Variants in KCNT2 observed in about 807,000 individuals in gnomAD.
The protein encoded by KCNT2 is potassium sodium-activated channel subfamily T member 2, also known as potassium channel subfamily T member 2.
Under a neutral mutation model 153.8 loss-of-function variants are expected in KCNT2, and 67 were observed. The observed-to-expected ratio is 0.44, with a 90% CI of 0.36 to 0.53. The LOEUF is 0.53. Among genes scored for constraint, KCNT2 ranks in the 20% least tolerant of loss-of-function variants. The pLI is 0.00. For missense variants in KCNT2, 975 were observed against 1,354.8 expected (o/e 0.72, Z 4.40); for synonymous variants, 500 against 458.8 (o/e 1.09, Z -1.15).
At chr1:196,264,574 A>T (rs1657347747) in intron 25 of KCNT2, among the ~76,000 whole-genome samples, 1 of 152,064 alleles carries the variant, frequency 6.6e-6, no homozygotes, top group Admixed American at 6.5e-5. Flanking sequence ...GGTAAGTCCC[A>T]GTCTATATGT....
intron 12 of KCNT2, among the ~76,000 whole-genome samples, chr1:196,413,989 A>G (rs547023199): frequency 1.3e-5 from 2 of 151,814 alleles, no homozygotes; most frequent in South Asian, 2.1e-4. Flanking sequence ...AGTTAATTTT[A>G]TAAATTCAGC....
At chr1:196,446,502 AG>A (rs1675698283) in intron 8 of KCNT2, among the ~76,000 whole-genome samples, 1 of 151,426 alleles carries the variant, frequency 6.6e-6, no homozygotes, top group Admixed American at 6.6e-5. Context: ...TAGGGCAGTA[AG>A]GGTAAAAATC....
chr1:196,422,991 TA>T (rs994920645), intron 12 of KCNT2, 58 bp downstream of exon 12: 60 of 1,168,320 alleles, frequency 5.1e-5, no homozygotes, highest in Admixed American at 2.9e-4. Context: ...AAACTCAAAT[TA>T]AAAAAAATCT....
intron 12 of KCNT2, among the ~76,000 whole-genome samples, chr1:196,419,693 G>A (rs1673042278): frequency 6.6e-6 from 1 of 151,898 alleles, no homozygotes. Flanking sequence ...TTTCCCTTCA[G>A]AATTTTGAAA....
chr1:196,351,431 G>A (rs141253151), intron 14 of KCNT2, among the ~76,000 whole-genome samples: 16,196 of 152,046 alleles, frequency 0.11, 1,229 homozygotes, highest in African/African-American at 0.22. Context: ...TCCCTTGTAA[G>A]TTGGATTCCT....
At chr1:196,406,847 A>G (rs1671872239) in intron 12 of KCNT2, among the ~76,000 whole-genome samples, 1 of 151,280 alleles carries the variant, frequency 6.6e-6, no homozygotes, top group African/African-American at 2.4e-5. Context: ...ACCACTCCTT[A>G]CAGATACTTA....
At chr1:196,266,566 T>C (rs187668775) in intron 25 of KCNT2, among the ~76,000 whole-genome samples, 31 of 152,248 alleles carry the variant, frequency 2.0e-4, no homozygotes, top group East Asian at 1.9e-4. Context: ...AGTTTGACAA[T>C]ATAGAATCAC....
rs1038930402 is a variant in KCNT2 at position 196,539,259 on chromosome 1, C to T, written c.96-46918G>A. Among the ~76,000 whole-genome samples the T allele has an allele frequency of 3.9e-5, 6 of 152,164 alleles. No individual in the cohort carries two copies. The South Asian group carries it at 8.3e-4, about 21-fold the overall frequency. On this transcript the variant is annotated intron_variant, in intron 1 of 27. Transcript: ENST00000294725. ...ACAAAGCATACAGATGGATGCCATACGTTAACTAATTCAATAAATATTTGA... is the reference window on the plus strand; with the variant it reads ...ACAAAGCATACAGATGGATGCCATATGTTAACTAATTCAATAAATATTTGA...
At chr1:196,536,923 T>G (rs984090484) in intron 1 of KCNT2, among the ~76,000 whole-genome samples, 6 of 152,224 alleles carry the variant, frequency 3.9e-5, no homozygotes, top group Admixed American at 6.5e-5. Context: ...GGGCAGCATA[T>G]GCAGTTACTA....
At chr1:196,396,864 A>C (rs1379807534) in intron 13 of KCNT2, among the ~76,000 whole-genome samples, 1 of 151,370 alleles carries the variant, frequency 6.6e-6, no homozygotes, top group Non-Finnish European at 1.5e-5. Context: ...CTTTTTCAGC[A>C]AATTTGATCT....
rs538985587 is a variant in KCNT2 at position 196,248,573 on chromosome 1, C to T, written c.3211+9621G>A. On this transcript the variant is annotated intron_variant, in intron 26 of 27. Coordinates refer to ENST00000294725, the MANE Select transcript of KCNT2 (RefSeq NM_198503.5). The stretch of plus-strand genomic sequence containing the variant: ...AGAAATTGATAAACTCCTAGACACA[C>T]AAAACCTACCAAGATTGAAACATGA... Among the ~76,000 whole-genome samples, 6 of 152,100 alleles carry T rather than the reference C, an allele frequency of 3.9e-5. No homozygotes were observed. In the East Asian group the frequency reaches 7.7e-4, roughly 20 times the overall value.
chr1:196,491,875 A>G (rs1275441921), intron 2 of KCNT2, among the ~76,000 whole-genome samples: 1 of 152,030 alleles, frequency 6.6e-6, no homozygotes, highest in Non-Finnish European at 1.5e-5. Flanking sequence ...CCTTCCCTAA[A>G]TCAGACAATT....
chr1:196,503,029 A>G (rs988257533), intron 1 of KCNT2, among the ~76,000 whole-genome samples: 1 of 152,122 alleles, frequency 6.6e-6, no homozygotes, highest in Non-Finnish European at 1.5e-5. Context: ...AAAAACATGC[A>G]AAGAATAAAG....
At chr1:196,282,807 T>C (rs1659241027) in intron 23 of KCNT2, among the ~76,000 whole-genome samples, 1 of 152,210 alleles carries the variant, frequency 6.6e-6, no homozygotes, top group Non-Finnish European at 1.5e-5. Flanking sequence ...TGCATATTCT[T>C]TTTCCACAAC....
At chr1:196,432,167 C>A (rs1412277345) in intron 8 of KCNT2, among the ~76,000 whole-genome samples, 1 of 152,048 alleles carries the variant, frequency 6.6e-6, no homozygotes, top group Non-Finnish European at 1.5e-5. Context: ...AGGTGGTAAA[C>A]CTTGGTGGCA....
At chr1:196,253,043 A>G (rs1656125047) in intron 26 of KCNT2, among the ~76,000 whole-genome samples, 2 of 151,046 alleles carry the variant, frequency 1.3e-5, no homozygotes, top group Non-Finnish European at 3.0e-5. Flanking sequence ...TAGTATTTAT[A>G]TTTTTAAATA....
intron 1 of KCNT2, among the ~76,000 whole-genome samples, chr1:196,552,993 G>A (rs944420127): frequency 1.3e-5 from 2 of 150,742 alleles, no homozygotes; most frequent in African/African-American, 2.4e-5. Context: ...AGAAAGACAG[G>A]AAAAGAGAAG....
chr1:196,541,203 A>G (rs1322949868), intron 1 of KCNT2, among the ~76,000 whole-genome samples: 3 of 152,046 alleles, frequency 2.0e-5, no homozygotes, highest in Non-Finnish European at 4.4e-5. Context: ...GTTCCTAAGT[A>G]ATAAATAGAA....
At chr1:196,492,511 A>G (rs1247969216) in intron 1 of KCNT2, among the ~76,000 whole-genome samples, 170 bp from the exon 2 acceptor site, 1 of 152,128 alleles carries the variant, frequency 6.6e-6, no homozygotes, top group Non-Finnish European at 1.5e-5. Context: ...ATTCCCTGCC[A>G]TGGAAAATGA....
Sources: gnomAD v4.1 joint callset for allele counts (sites outside exome capture counted in the v4.1 genomes callset) on GRCh38, gnomAD v4.1.1 for gene constraint, MANE v1.5 for transcripts, NCBI Gene and HGNC (gene_info 2026-07-23, HGNC 2026-07-21) for gene names.